STPG1: variants seen among roughly 807,000 people sequenced by gnomAD.
STPG1 encodes the protein sperm tail PG-rich repeat containing 1.
In STPG1, 33 loss-of-function variants were observed where a neutral mutation model predicts 40.1. The observed-to-expected ratio is 0.82, with a 90% CI of 0.62 to 1.10. The LOEUF is 1.10. STPG1 is among the 50% of genes least tolerant of loss of function. The pLI is 0.00. For synonymous variants in STPG1, 150 were observed against 155.0 expected (o/e 0.97, Z 0.24); for missense variants, 396 against 415.1 (o/e 0.95, Z 0.40).
chr1:24,410,370 C>T (rs905733957), intron 1 of STPG1, among the ~76,000 whole-genome samples: 1 of 152,230 alleles, frequency 6.6e-6, no homozygotes, highest in Non-Finnish European at 1.5e-5. Context: ...CAGCACTTTG[C>T]GAGGCCGAGG....
chr1:24,394,184 T>C (rs1469331626), intron 2 of STPG1, among the ~76,000 whole-genome samples: 1 of 152,154 alleles, frequency 6.6e-6, no homozygotes, highest in Non-Finnish European at 1.5e-5. Context: ...ATAGCTCCTG[T>C]TTTCATGAGT....
intron 5 of STPG1, among the ~76,000 whole-genome samples, chr1:24,378,732 A>G (rs74450805): frequency 0.019 from 2,914 of 152,358 alleles, 115 homozygotes; most frequent in African/African-American, 0.067. Context: ...GGTATAATAA[A>G]TGTATAAAAC....
chr1:24,391,465 G>C, intron 3 of STPG1, 96 bp downstream of exon 3: 1 of 783,046 alleles, frequency 1.3e-6, no homozygotes, highest in South Asian at 1.8e-5. Flanking sequence ...GCCCTCCACT[G>C]TCCACAGAAA....
chr1:24,364,589 GCA>G, intron 7 of STPG1: 1 of 674,930 alleles, frequency 1.5e-6, no homozygotes, highest in South Asian at 5.0e-5. Context: ...TTGCTGAAGT[GCA>G]GAGAAAAGCA....
intron 7 of STPG1, 48 bp from the exon 8 acceptor site, chr1:24,361,089 G>A: frequency 6.6e-7 from 1 of 1,505,950 alleles, no homozygotes; most frequent in Non-Finnish European, 9.0e-7. Context: ...AGTCTAGTGG[G>A]GAAGGCACAG....
At chr1:24,372,774 C>T (rs1206818866) in intron 6 of STPG1, among the ~76,000 whole-genome samples, 1 of 152,218 alleles carries the variant, frequency 6.6e-6, no homozygotes, top group East Asian at 1.9e-4. Flanking sequence ...GGCATGATTG[C>T]AGAAGCAAAC....
At chr1:24,376,316 T>C (rs924166283) in intron 5 of STPG1, among the ~76,000 whole-genome samples, 1 of 152,182 alleles carries the variant, frequency 6.6e-6, no homozygotes, top group Non-Finnish European at 1.5e-5. Flanking sequence ...CCACTGTGCC[T>C]GGCCTGCACC....
At position 24,358,467 on chromosome 1, in the gene STPG1, C is replaced by A; in HGVS notation, c.*76G>T. 1 of 1,266,416 alleles carries A rather than the reference C, an allele frequency of 7.9e-7. No homozygotes were observed. The highest frequency in any genetic ancestry group is 1.2e-6 in the Non-Finnish European group (1 of 862,782). The allele number at this position is 1,266,416 out of a possible 1,614,324, so 78.4% of individuals were successfully genotyped here. On this transcript the variant is annotated 3_prime_UTR_variant, in exon 9 of 9. Transcript: ENST00000337248. Reference sequence around the variant, plus strand: ...AGCTGCCACACTCATGATCGGTCTCCTCCTGAGGAATGTCCTGGGGACGCT... The same window carrying A: ...AGCTGCCACACTCATGATCGGTCTCATCCTGAGGAATGTCCTGGGGACGCT...
intron 1 of STPG1, among the ~76,000 whole-genome samples, chr1:24,401,969 G>C (rs1463195229): frequency 6.6e-6 from 1 of 152,180 alleles, no homozygotes; most frequent in Non-Finnish European, 1.5e-5. Context: ...TTACAGGTGT[G>C]AGCCACCATG....
intron 2 of STPG1, among the ~76,000 whole-genome samples, chr1:24,392,888 A>T (rs1364201062): frequency 6.6e-6 from 1 of 152,188 alleles, no homozygotes. Flanking sequence ...AGGAAAGAAG[A>T]AAGTATGTGT....
intron 7 of STPG1, among the ~76,000 whole-genome samples, chr1:24,368,503 C>A (rs1641576000): frequency 1.3e-5 from 2 of 152,168 alleles, no homozygotes; most frequent in Admixed American, 1.3e-4. Context: ...GGAGGACTAA[C>A]CCTAACTGCA....
chr1:24,391,823 C>T lies in STPG1; in HGVS notation c.71-144G>A, dbSNP rs569938583. The stretch of plus-strand genomic sequence containing the variant: ...TTTTGACAGGAAACAGACACGAAAC[C>T]GGATTAAAAAAAAAATTCCCCACTT... On this transcript the variant is annotated intron_variant, in intron 2 of 8. Coordinates refer to ENST00000337248, the MANE Select transcript of STPG1 (RefSeq NM_001199013.2). 8.0e-5 allele frequency: 97 copies of T among 1,219,156 alleles called. No individual in the cohort carries two copies. In the East Asian group the frequency reaches 2.8e-3, roughly 35 times the overall value. The allele number at this position is 1,219,156 out of a possible 1,614,324, so 75.5% of individuals were successfully genotyped here.
At chr1:24,407,849 C>A (rs1343970771) in intron 1 of STPG1, among the ~76,000 whole-genome samples, 1 of 152,052 alleles carries the variant, frequency 6.6e-6, no homozygotes, top group Admixed American at 6.6e-5. Context: ...TTTTCTATGT[C>A]TTCTATTTCT....
intron 5 of STPG1, among the ~76,000 whole-genome samples, chr1:24,374,415 C>T (rs566436879): frequency 4.6e-5 from 7 of 151,520 alleles, no homozygotes; most frequent in Admixed American, 6.6e-5. Flanking sequence ...CCTACCACCA[C>T]GCCCAGCTAA....
rs988553471 is a variant in STPG1, at chr1:24,399,002, C to A, written c.70+2317G>T. On this transcript the variant is annotated intron_variant, in intron 2 of 8. Transcript: ENST00000337248. The surrounding 1 kb of genome is among the most constrained non-coding windows in gnomAD (Gnocchi z 4.0). ...CTGATTGTAAAATTTGTATAGCTACCCAGATTTGATCATCGCACATTATAT... is the reference window on the plus strand; with the variant it reads ...CTGATTGTAAAATTTGTATAGCTACACAGATTTGATCATCGCACATTATAT... Among the ~76,000 whole-genome samples, 4 of 151,662 alleles carry A rather than the reference C, an allele frequency of 2.6e-5. No individual in the cohort carries two copies. Among genetic ancestry groups the A allele is most frequent in the Non-Finnish European group, 5.9e-5 (4 of 67,882 alleles).
chr1:24,394,052 T>C (rs1192294179), intron 2 of STPG1, among the ~76,000 whole-genome samples: 1 of 152,018 alleles, frequency 6.6e-6, no homozygotes, highest in African/African-American at 2.4e-5. Context: ...TGCAACGGGG[T>C]CCCCTGAGTA....
At chr1:24,406,802 G>A (rs565957716) in intron 1 of STPG1, among the ~76,000 whole-genome samples, 104 of 151,888 alleles carry the variant, frequency 6.8e-4, no homozygotes, top group Non-Finnish European at 1.2e-3. Context: ...CAACTTTTAA[G>A]CTTTTCTGTG....
chr1:24,364,223 C>T (rs998813039), intron 7 of STPG1: 2 of 1,543,814 alleles, frequency 1.3e-6, no homozygotes, highest in Non-Finnish European at 8.7e-7. Flanking sequence ...TCTCGCCACC[C>T]CCCACCTGAC....
At chr1:24,384,659 A>T (rs780060971) in intron 3 of STPG1, among the ~76,000 whole-genome samples, 1 of 152,160 alleles carries the variant, frequency 6.6e-6, no homozygotes. Flanking sequence ...TGCATTTCCC[A>T]TGCTAGTTAC....
Sources: gnomAD v4.1 joint callset for allele counts (sites outside exome capture counted in the v4.1 genomes callset) on GRCh38, gnomAD v4.1.1 for gene constraint, Gnocchi (gnomAD v3.1) non-coding constraint, MANE v1.5 for transcripts, NCBI Gene and HGNC (gene_info 2026-07-23, HGNC 2026-07-21) for gene names.